Variants in SMARCE1 observed in about 807,000 individuals in gnomAD.
The protein encoded by SMARCE1 is SWI/SNF related BAF chromatin remodeling complex subunit E1.
In SMARCE1, 13 loss-of-function variants were observed where a neutral mutation model predicts 54.9. The ratio of observed to expected loss-of-function variants is 0.24; its 90% CI spans 0.15 to 0.38. SMARCE1 has a LOEUF of 0.38. Ranked by LOEUF, SMARCE1 falls within the 10% of genes least tolerant of loss-of-function variation. The pLI is 1.00. For missense variants in SMARCE1, 295 were observed against 523.8 expected, an observed-to-expected ratio of 0.56 and a Z score of 4.26; for synonymous variants, 151 against 175.3, an observed-to-expected ratio of 0.86 and a Z score of 1.10.
intron 4 of SMARCE1, among the ~76,000 whole-genome samples, chr17:40,639,809 C>A (rs967129866): frequency 2.6e-5 from 4 of 152,152 alleles, no homozygotes; most frequent in African/African-American, 9.7e-5. Context: ...ATACTTTAGA[C>A]CCTTTCTGGA....
chr17:40,637,470 T>C, intron 5 of SMARCE1, 22 bp downstream of exon 5: 1 of 1,583,206 alleles, frequency 6.3e-7, no homozygotes, highest in Non-Finnish European at 8.7e-7. Context: ...TCCTCACTCC[T>C]TACCAGGTCC....
chr17:40,629,525 T>C lies in SMARCE1; in HGVS notation c.1028-532A>G, dbSNP rs192335604. ...AAGCAGTTGTAGAAATAATATAAGGTTGGTCTTTTAGACACTTTGTTTAAA... is the reference window on the plus strand; with the variant it reads ...AAGCAGTTGTAGAAATAATATAAGGCTGGTCTTTTAGACACTTTGTTTAAA... On this transcript the variant is annotated intron_variant, in intron 10 of 10. Coordinates refer to ENST00000348513, the MANE Select transcript of SMARCE1 (RefSeq NM_003079.5). The C allele has an allele frequency of 1.5e-3, 1,845 of 1,226,856 alleles. 2 individuals carry two copies. The highest frequency in any genetic ancestry group is 1.7e-3 in the Non-Finnish European group (1,717 of 983,344). The allele number at this position is 1,226,856 out of a possible 1,614,324, so 76.0% of individuals were successfully genotyped here.
chr17:40,644,692 T>C (rs919341277), intron 3 of SMARCE1: 3 of 152,164 alleles, frequency 2.0e-5, no homozygotes, highest in Admixed American at 6.5e-5. Context: ...TAAATATGAG[T>C]AGTTTTTTAG....
Position 40,632,152 on chromosome 17 carries a change from G to C in SMARCE1, c.714+43C>G, listed in dbSNP as rs1457328556. Reference sequence around the variant, plus strand: ...AGGAATCATATCACCTGGGATTTGTGGTATAGGCACATCTTATTGAAATGA... The same window carrying C: ...AGGAATCATATCACCTGGGATTTGTCGTATAGGCACATCTTATTGAAATGA... On this transcript the variant is annotated intron_variant, in intron 8 of 10. Transcript: ENST00000348513. 4.8e-6 allele frequency: 7 copies of C among 1,452,818 alleles called. No homozygotes were observed. The Admixed American group carries it at 8.8e-5, about 18-fold the overall frequency. The allele number at this position is 1,452,818 out of a possible 1,614,324, so 90.0% of individuals were successfully genotyped here.
At chr17:40,630,179 T>C in intron 10 of SMARCE1, 1 of 1,106,474 alleles carries the variant, frequency 9.0e-7, no homozygotes, top group Non-Finnish European at 1.3e-6. Flanking sequence ...TAAGTTTTAT[T>C]TATACAAGTT....
intron 4 of SMARCE1, chr17:40,640,134 T>G (rs1295081287): frequency 1.3e-5 from 2 of 152,238 alleles, no homozygotes; most frequent in African/African-American, 4.8e-5. Context: ...AGTTTTTTGT[T>G]GTTGTTTCTT....
Position 40,632,238 on chromosome 17 carries a change from A to G in SMARCE1, c.671T>C (p.Met224Thr). ...CTGGACCTGCCGTTTGAGGACCTGC[A>G]TTCTAGCTGTTGTGACAACTGACCG... Reference protein sequence around the residue: ...DVRSVVTTARMQVLKRQVQSL... With the variant: ...DVRSVVTTARTQVLKRQVQSL... The change falls in exon 8 of 11, where the codon ATG becomes ACG. Residue 224 changes from methionine to threonine, a missense_variant. This residue lies in a region of SMARCE1 where 101 missense variants were observed against 183.1 expected (regional missense o/e 0.55). Coordinates refer to ENST00000348513, the MANE Select transcript of SMARCE1 (RefSeq NM_003079.5). 1 of 1,613,854 alleles carries G rather than the reference A, an allele frequency of 6.2e-7. No individual in the cohort carries two copies. Among genetic ancestry groups the G allele is most frequent in the Non-Finnish European group, 8.5e-7 (1 of 1,179,858 alleles).
rs1052450942 is a variant in SMARCE1, at chr17:40,625,805, T to C, written c.*2980A>G. On this transcript the variant is annotated 3_prime_UTR_variant, in exon 11 of 11. Transcript: ENST00000348513. ...TTGACATTATTGTGTTAATGTGAAA[T>C]AGCTATTTACCTCTCCAAACCTCGG... is the stretch of plus-strand genomic sequence containing the variant. 2 of 152,212 alleles carry C rather than the reference T, an allele frequency of 1.3e-5. No homozygotes were observed. Among genetic ancestry groups the C allele is most frequent in the African/African-American group, 4.8e-5 (2 of 41,444 alleles). 9.4% of individuals were successfully genotyped at this position (152,212 alleles called of 1,614,324 possible).
intron 3 of SMARCE1, chr17:40,643,569 G>A (rs2037219945): frequency 6.6e-6 from 1 of 152,208 alleles, no homozygotes; most frequent in African/African-American, 2.4e-5. Context: ...ATAGTAGAGA[G>A]AGACCAAAAT....
chr17:40,636,842 T>C (rs2037150375), intron 5 of SMARCE1: 1 of 193,182 alleles, frequency 5.2e-6, no homozygotes, highest in South Asian at 1.3e-4. Context: ...TCTACGTCTC[T>C]AAAAGTTCAT....
In SMARCE1 at chr17:40,636,060, C is replaced by T. The variant is rs771308672; in HGVS notation, c.412G>A (p.Ala138Thr). ...ESMKAYHNSP[A>T]YLAYINAKSR... The stretch of plus-strand genomic sequence containing the variant: ...TTTGCATTTATGTAAGCAAGGTACG[C>T]GGGGGAATTATGATAGGCCTTCATA... Residue 138 changes from alanine (A) to threonine (T), a missense_variant, in exon 7 of 11, where the codon GCG becomes ACG. This residue lies in a region of SMARCE1 where 15 missense variants were observed against 40.1 expected (regional missense o/e 0.37). Transcript: ENST00000348513. 3.0e-5 allele frequency: 49 copies of T among 1,612,544 alleles called. No homozygotes were observed. The highest frequency in any genetic ancestry group is 8.0e-5 in the African/African-American group (6 of 74,832).
At chr17:40,645,727 G>T in intron 2 of SMARCE1, 69 bp downstream of exon 2, 1 of 1,092,188 alleles carries the variant, frequency 9.2e-7, no homozygotes, top group Non-Finnish European at 1.3e-6. Flanking sequence ...GAGTATTTTG[G>T]AATTCCCACT....
At chr17:40,634,089 A>C (rs1341381937) in intron 7 of SMARCE1, 1 of 152,136 alleles carries the variant, frequency 6.6e-6, no homozygotes, top group Admixed American at 6.5e-5. Flanking sequence ...CACTGAATAA[A>C]AGCCTTCATT....
intron 3 of SMARCE1, chr17:40,643,334 C>T (rs1163265288): frequency 1.3e-5 from 2 of 152,178 alleles, no homozygotes; most frequent in African/African-American, 4.8e-5. Flanking sequence ...CATTTTGTCT[C>T]AATGTGAACT....
chr17:40,630,309 T>C, intron 10 of SMARCE1: 1 of 1,074,960 alleles, frequency 9.3e-7, no homozygotes, highest in Non-Finnish European at 1.4e-6. Flanking sequence ...AGATAGAAAA[T>C]ATTTTAGACT....
chr17:40,628,351 A>C lies in SMARCE1; in HGVS notation c.*434T>G, dbSNP rs542441875. 1.4e-3 allele frequency: 228 copies of C among 162,814 alleles called. 1 individual carries two copies. The highest frequency in any genetic ancestry group is 2.0e-3 in the Non-Finnish European group (151 of 74,002). The allele number at this position is 162,814 out of a possible 1,614,324, so 10.1% of individuals were successfully genotyped here. A position where few individuals can be genotyped will look rare whatever the true frequency, so the allele number is the denominator to read the frequency against. ...CATACTCATACATGATCACGTTTTT[A>C]AGAAGCTACCCTTTGCAGAAGTAAA... On this transcript the variant is annotated 3_prime_UTR_variant, in exon 11 of 11. Coordinates refer to ENST00000348513, the MANE Select transcript of SMARCE1 (RefSeq NM_003079.5).
At chr17:40,647,244 A>T (rs989789534) in intron 1 of SMARCE1, 3 of 152,264 alleles carry the variant, frequency 2.0e-5, no homozygotes. Context: ...ACTCACAAGT[A>T]CTTTATATGT....
In SMARCE1 at chr17:40,644,540, G is replaced by T. The variant is rs1232458365; in HGVS notation, c.51+1036C>A. On this transcript the variant is annotated intron_variant, in intron 3 of 10. Coordinates refer to ENST00000348513, the MANE Select transcript of SMARCE1 (RefSeq NM_003079.5). ...AACAAAGCAAGCATAGGACTTTATAGTCTACTGGAATTAACTTTAGAGCCT... is the reference window on the plus strand; with the variant it reads ...AACAAAGCAAGCATAGGACTTTATATTCTACTGGAATTAACTTTAGAGCCT... The T allele has an allele frequency of 2.0e-5, 3 of 152,102 alleles. No individual in the cohort carries two copies. In the East Asian group the frequency reaches 5.8e-4, roughly 29 times the overall value. The allele number at this position is 152,102 out of a possible 1,614,324, so 9.4% of individuals were successfully genotyped here.
intron 7 of SMARCE1, 185 bp from the exon 8 acceptor site, chr17:40,632,552 A>C: frequency 1.8e-6 from 1 of 558,024 alleles, no homozygotes; most frequent in Non-Finnish European, 3.2e-6. Flanking sequence ...TAATGTGTTC[A>C]TTGGCCAAGG....
Sources: allele counts gnomAD v4.1 joint callset (sites outside exome capture counted in the v4.1 genomes callset), GRCh38; gene constraint gnomAD v4.1.1; regional missense constraint gnomAD v4.1.1; transcripts MANE v1.5; gene names NCBI Gene and HGNC (gene_info 2026-07-23, HGNC 2026-07-21).